PGBD5: variants seen among roughly 807,000 people sequenced by gnomAD.
PGBD5 encodes the protein piggyBac transposable element derived 5, also known as piggyBac transposable element-derived protein 5.
Under a neutral mutation model 47.9 loss-of-function variants are expected in PGBD5, and 14 were observed. That is an observed-to-expected ratio of 0.29 (90% CI 0.19 to 0.46). PGBD5 has a LOEUF of 0.46. PGBD5 is among the 20% of genes least tolerant of loss of function. The pLI, the probability that PGBD5 is intolerant of heterozygous loss-of-function variation, is 1.00. For missense variants in PGBD5, 635 were observed against 716.0 expected (o/e 0.89, Z 1.29); for synonymous variants, 316 against 306.3 (o/e 1.03, Z -0.33).
At chr1:230,369,995 G>C (rs1373127985) in intron 1 of PGBD5, among the ~76,000 whole-genome samples, 1 of 152,220 alleles carries the variant, frequency 6.6e-6, no homozygotes, top group Non-Finnish European at 1.5e-5. Flanking sequence ...TGTCCGCCCA[G>C]GGGCAAATAA....
chr1:230,330,172 G>A (rs922565674), intron 5 of PGBD5, among the ~76,000 whole-genome samples: 3 of 152,182 alleles, frequency 2.0e-5, no homozygotes, highest in African/African-American at 4.8e-5. Context: ...AACCTCTCCA[G>A]CAGTCAGAGT....
intron 4 of PGBD5, 139 bp downstream of exon 4, chr1:230,336,969 C>T: frequency 6.4e-6 from 6 of 940,380 alleles, no homozygotes; most frequent in East Asian, 2.4e-5. Context: ...CGCATCTGTT[C>T]CCTCAAGGAA....
intron 1 of PGBD5, among the ~76,000 whole-genome samples, chr1:230,404,131 T>C (rs923433130): frequency 6.6e-6 from 1 of 151,908 alleles, no homozygotes; most frequent in Admixed American, 6.6e-5. Flanking sequence ...TATGAGACTG[T>C]GAGGGTGCAT....
At chr1:230,408,979 T>C (rs1657353888) in intron 1 of PGBD5, among the ~76,000 whole-genome samples, 1 of 152,068 alleles carries the variant, frequency 6.6e-6, no homozygotes, top group Admixed American at 6.6e-5. Flanking sequence ...ATAAGGAATA[T>C]TCGGAATATA....
chr1:230,332,563 T>C (rs1007943549), intron 5 of PGBD5, among the ~76,000 whole-genome samples: 2 of 152,220 alleles, frequency 1.3e-5, no homozygotes, highest in East Asian at 3.8e-4. Context: ...GCAGCCATTA[T>C]CATACCCCGT....
intron 3 of PGBD5, among the ~76,000 whole-genome samples, chr1:230,340,533 T>C (rs1392619990): frequency 2.0e-5 from 3 of 152,162 alleles, no homozygotes; most frequent in South Asian, 2.1e-4. Context: ...TTTATCAGAA[T>C]GACAGATATG....
At chr1:230,343,933 T>G (rs1268243509) in intron 3 of PGBD5, among the ~76,000 whole-genome samples, 1 of 152,212 alleles carries the variant, frequency 6.6e-6, no homozygotes, top group Non-Finnish European at 1.5e-5. Flanking sequence ...ACTTGGCTTT[T>G]TGTCTAAATC....
chr1:230,374,228 C>A (rs1352872281), intron 1 of PGBD5, among the ~76,000 whole-genome samples: 1 of 152,060 alleles, frequency 6.6e-6, no homozygotes, highest in East Asian at 1.9e-4. Flanking sequence ...ACCAGCCTGA[C>A]CAACACGGTG....
chr1:230,388,431 T>C (rs1262123871), intron 1 of PGBD5, among the ~76,000 whole-genome samples: 6 of 151,404 alleles, frequency 4.0e-5, no homozygotes, highest in Non-Finnish European at 7.4e-5. Context: ...TTTTTTTTTT[T>C]TTGAGATGGA....
chr1:230,350,135 C>CAAGTGAGCG (rs1434709530), intron 3 of PGBD5, among the ~76,000 whole-genome samples: 1 of 152,242 alleles, frequency 6.6e-6, no homozygotes, highest in Admixed American at 6.5e-5. Flanking sequence ...GCGAGGGCAG[C>CAAGTGAGCG]AAGTGAGCGT....
At chr1:230,412,863 T>G (rs780044007) in intron 1 of PGBD5, among the ~76,000 whole-genome samples, 1 of 152,168 alleles carries the variant, frequency 6.6e-6, no homozygotes, top group Non-Finnish European at 1.5e-5. Flanking sequence ...TATTTTCGCA[T>G]GCATAATTTT....
At chr1:230,408,772 G>A (rs1657349882) in intron 1 of PGBD5, among the ~76,000 whole-genome samples, 2 of 152,132 alleles carry the variant, frequency 1.3e-5, no homozygotes, top group Admixed American at 6.5e-5. Flanking sequence ...AAAGCATAGG[G>A]TTAAATCTCA....
In PGBD5 at chr1:230,316,173, C is replaced by T. The variant is rs534612494; in HGVS notation, c.*7252G>A. ...ACACATATATGTATGTGTATACATACATACGTACACATGTGCATGTGTATA... is the reference window on the plus strand; with the variant it reads ...ACACATATATGTATGTGTATACATATATACGTACACATGTGCATGTGTATA... On this transcript the variant is annotated 3_prime_UTR_variant, in exon 7 of 7. Coordinates refer to ENST00000391860, the MANE Select transcript of PGBD5 (RefSeq NM_001258311.2). 9.7e-6 allele frequency: 1 copy of T among 102,890 alleles called. No individual in the cohort carries two copies. Among genetic ancestry groups the T allele is most frequent in the Non-Finnish European group, 2.1e-5 (1 of 48,302 alleles). The allele number at this position is 102,890 out of a possible 1,614,324, so 6.4% of individuals were successfully genotyped here.
intron 1 of PGBD5, among the ~76,000 whole-genome samples, chr1:230,397,847 G>A (rs528370118): frequency 6.6e-5 from 10 of 152,314 alleles, no homozygotes; most frequent in East Asian, 5.8e-4. Context: ...GGATGCTGCC[G>A]GGAAGAATCC....
intron 4 of PGBD5, among the ~76,000 whole-genome samples, chr1:230,336,843 GC>G (rs1667331289): frequency 9.1e-6 from 1 of 110,162 alleles, no homozygotes; most frequent in Non-Finnish European, 2.0e-5. Flanking sequence ...ACACACAAAT[GC>G]CCCGAAGGCC....
rs148372455 is a variant in PGBD5, at chr1:230,403,177, C to T, written c.331+22421G>A. Among the ~76,000 whole-genome samples, 1,087 of 152,340 alleles carry T rather than the reference C, an allele frequency of 7.1e-3. 5 individuals carry two copies. Among genetic ancestry groups the T allele is most frequent in the Middle Eastern group, 0.014 (4 of 294 alleles). On this transcript the variant is annotated intron_variant, in intron 1 of 6. Coordinates refer to ENST00000391860, the MANE Select transcript of PGBD5 (RefSeq NM_001258311.2). ...CCTAAGAGTTTGACCAAAGCACACC[C>T]CATTCAATTCCTGACTCTACCACTA...
intron 1 of PGBD5, among the ~76,000 whole-genome samples, chr1:230,383,625 C>T (rs530369072): frequency 4.8e-4 from 73 of 152,262 alleles, no homozygotes; most frequent in Non-Finnish European, 9.1e-4. Context: ...CCCACCCCAC[C>T]GCATCCCCTT....
intron 1 of PGBD5, among the ~76,000 whole-genome samples, chr1:230,384,040 A>C (rs899674340): frequency 6.6e-6 from 1 of 152,208 alleles, no homozygotes; most frequent in South Asian, 2.1e-4. Context: ...AGCACAGTTG[A>C]AAAGCCTTCC....
At chr1:230,412,640 G>A (rs192131292) in intron 1 of PGBD5, among the ~76,000 whole-genome samples, 133 of 152,036 alleles carry the variant, frequency 8.7e-4, no homozygotes, top group African/African-American at 3.0e-3. Context: ...CACCCTCCTC[G>A]GCCTCCCAAA....
Sources: allele counts gnomAD v4.1 joint callset (sites outside exome capture counted in the v4.1 genomes callset), GRCh38; gene constraint gnomAD v4.1.1; transcripts MANE v1.5; gene names NCBI Gene and HGNC (gene_info 2026-07-23, HGNC 2026-07-21).